GALNT15: variants seen among roughly 807,000 people sequenced by gnomAD.
GALNT15 encodes UDP-GalNAc transferase T15.
Under a neutral mutation model 66.8 loss-of-function variants are expected in GALNT15, and 67 were observed. The observed-to-expected ratio is 1.00, with a 90% CI of 0.82 to 1.23. GALNT15 has a LOEUF of 1.23. Among genes scored for constraint, GALNT15 ranks in the 50% most tolerant of loss-of-function variants. The pLI is 0.00. For synonymous variants in GALNT15, 313 were observed against 311.5 expected, an observed-to-expected ratio of 1.00 and a Z score of -0.05; for missense variants, 827 against 804.3, an observed-to-expected ratio of 1.03 and a Z score of -0.34.
At chr3:16,240,758 A>G in the GALNT15 span, among the ~76,000 whole-genome samples, 6 of 152,194 alleles carry the variant, frequency 3.9e-5, no homozygotes, top group Admixed American at 3.3e-4. Flanking sequence ...GAGCCCGAGT[A>G]ATCAACCTAA....
Position 16,200,695 on chromosome 3 carries a change from G to A in GALNT15, c.783G>A (p.Leu261=). The stretch of plus-strand genomic sequence containing the variant: ...AGTTACTCAGGAGCAACAAGAGGCT[G>A]GGTGCCATCAGGGCCCGGATGCTGG... ...GVKLLRSNKR[L]GAIRARMLGA... Residue 261 remains leucine (L), a synonymous_variant, in exon 3 of 10, where the codon CTG becomes CTA. Transcript: ENST00000339732. This position sits in a 1 kb window ranked among gnomAD's most constrained non-coding sequence, Gnocchi z 4.4. 6.2e-7 allele frequency: 1 copy of A among 1,610,870 alleles called. No individual in the cohort carries two copies. Among genetic ancestry groups the A allele is most frequent in the Non-Finnish European group, 8.5e-7 (1 of 1,178,606 alleles).
At chr3:16,220,057 A>G in intron 8 of GALNT15, 43 bp downstream of exon 8, 3 of 1,469,186 alleles carry the variant, frequency 2.0e-6, no homozygotes, top group Non-Finnish European at 2.9e-6. Flanking sequence ...GCCCAAGAAG[A>G]CTTGAAAGTG....
At chr3:16,246,019 C>A in the GALNT15 span, among the ~76,000 whole-genome samples, 1 of 152,168 alleles carries the variant, frequency 6.6e-6, no homozygotes, top group African/African-American at 2.4e-5. Context: ...TGGGGTATGA[C>A]TGTGAATGAA....
chr3:16,208,717 G>A, intron 4 of GALNT15, 47 bp downstream of exon 4: 1 of 1,567,908 alleles, frequency 6.4e-7, no homozygotes. Flanking sequence ...CCTCAGGATG[G>A]ACTCTGCAGC....
chr3:16,239,531 C>A, the GALNT15 span, among the ~76,000 whole-genome samples: 1 of 152,124 alleles, frequency 6.6e-6, no homozygotes. The surrounding 1 kb of genome is among the most constrained non-coding windows in gnomAD (Gnocchi z 5.2). Flanking sequence ...CCTTCAATGC[C>A]CCAGAAGCAG....
chr3:16,218,549 C>A (rs529985731), intron 6 of GALNT15, among the ~76,000 whole-genome samples: 2 of 151,818 alleles, frequency 1.3e-5, no homozygotes, highest in Non-Finnish European at 1.5e-5. Flanking sequence ...AGGAGAATCT[C>A]AAAAAAAGGA....
At chr3:16,243,139 T>G in the GALNT15 span, among the ~76,000 whole-genome samples, 6 of 152,222 alleles carry the variant, frequency 3.9e-5, no homozygotes, top group African/African-American at 1.4e-4. Context: ...ATTCACTCCC[T>G]GGGATACACT....
In GALNT15 at chr3:16,219,259, C is replaced by G; in HGVS notation, c.1393-144C>G. The stretch of plus-strand genomic sequence containing the variant: ...TCTTCTCCCAACACATGACCCTCCC[C>G]ACTGCAGCCCTGGAGAACTGTGGTC... On this transcript the variant is annotated intron_variant, in intron 6 of 9. Transcript: ENST00000339732. The surrounding 1 kb of genome is among the most constrained non-coding windows in gnomAD (Gnocchi z 4.3). 1 of 933,630 alleles carries G rather than the reference C, an allele frequency of 1.1e-6. No individual in the cohort carries two copies. The highest frequency in any genetic ancestry group is 1.6e-6 in the Non-Finnish European group (1 of 610,120). The allele number at this position is 933,630 out of a possible 1,614,324, so 57.8% of individuals were successfully genotyped here.
Position 16,180,049 on chromosome 3 carries a change from T to G in GALNT15, c.539+4359T>G, listed in dbSNP as rs1362250359. Among the ~76,000 whole-genome samples the G allele has an allele frequency of 6.6e-6, 1 of 152,214 alleles. No individual in the cohort carries two copies. Among genetic ancestry groups the G allele is most frequent in the Non-Finnish European group, 1.5e-5 (1 of 68,040 alleles). On this transcript the variant is annotated intron_variant, in intron 1 of 9. Transcript: ENST00000339732. This position sits in a 1 kb window ranked among gnomAD's most constrained non-coding sequence, Gnocchi z 5.0. The stretch of plus-strand genomic sequence containing the variant: ...TCAAAGAGGCTGCTGTGTGAGCCAG[T>G]GCTTTGTAATCTACATCTACGGCTG...
rs1241151514 is a variant in GALNT15 at position 16,227,065 on chromosome 3, T to G, written c.1774-289T>G. Among the ~76,000 whole-genome samples the G allele has an allele frequency of 6.6e-6, 1 of 152,246 alleles. No individual in the cohort carries two copies. Among genetic ancestry groups the G allele is most frequent in the Non-Finnish European group, 1.5e-5 (1 of 68,038 alleles). ...AATGTCACAAATACAGCATAAAGACTGAACATGCTCTGGGAATTATACTAA... is the reference window on the plus strand; with the variant it reads ...AATGTCACAAATACAGCATAAAGACGGAACATGCTCTGGGAATTATACTAA... On this transcript the variant is annotated intron_variant, in intron 9 of 9. Transcript: ENST00000339732. This position sits in a 1 kb window ranked among gnomAD's most constrained non-coding sequence, Gnocchi z 4.5.
rs966455583 is a variant in GALNT15 at position 16,200,496 on chromosome 3, C to T, written c.707-123C>T. 4.9e-5 allele frequency: 32 copies of T among 652,210 alleles called. No individual in the cohort carries two copies. The highest frequency in any genetic ancestry group is 8.2e-4 in the Middle Eastern group (2 of 2,440). 40.4% of individuals were successfully genotyped at this position (652,210 alleles called of 1,614,324 possible). On this transcript the variant is annotated intron_variant, in intron 2 of 9. Coordinates refer to ENST00000339732, the MANE Select transcript of GALNT15 (RefSeq NM_054110.5). This position sits in a 1 kb window ranked among gnomAD's most constrained non-coding sequence, Gnocchi z 4.4. ...AACAACCACACTGTAGTAATGTTTTCGGTTCTTAGGACCCAGGTGCTCACC... is the reference window on the plus strand; with the variant it reads ...AACAACCACACTGTAGTAATGTTTTTGGTTCTTAGGACCCAGGTGCTCACC...
In GALNT15 at chr3:16,190,507, G is replaced by A. The variant is rs942631754; in HGVS notation, c.540-5253G>A. Among the ~76,000 whole-genome samples, 55 of 152,004 alleles carry A rather than the reference G, an allele frequency of 3.6e-4. 1 individual carries two copies. The highest frequency in any genetic ancestry group is 3.2e-3 in the Middle Eastern group (1 of 316). ...CAAAAAATTAGCCGGGCGTGGTGGC[G>A]GGCGCCTGTAGTCCCAGCTACTCAG... On this transcript the variant is annotated intron_variant, in intron 1 of 9. Transcript: ENST00000339732.
rs1344846134 is a variant in GALNT15, at chr3:16,180,230, A to G, written c.539+4540A>G. 6.6e-6 allele frequency among the ~76,000 whole-genome samples: 1 copy of G among 152,230 alleles called. No individual in the cohort carries two copies. Among genetic ancestry groups the G allele is most frequent in the African/African-American group, 2.4e-5 (1 of 41,452 alleles). The stretch of plus-strand genomic sequence containing the variant: ...CTGCTGCTGCTGCTGCTCCCAATCC[A>G]GAGACACTTTGAGAACCTCTGCTCT... On this transcript the variant is annotated intron_variant, in intron 1 of 9. Coordinates refer to ENST00000339732, the MANE Select transcript of GALNT15 (RefSeq NM_054110.5). The surrounding 1 kb of genome is among the most constrained non-coding windows in gnomAD (Gnocchi z 5.0).
At position 16,188,650 on chromosome 3, in the gene GALNT15, A is replaced by G. The variant is rs746250867; in HGVS notation, c.540-7110A>G. Among the ~76,000 whole-genome samples the G allele has an allele frequency of 6.6e-6, 1 of 152,082 alleles. No individual in the cohort carries two copies. The highest frequency in any genetic ancestry group is 2.4e-5 in the African/African-American group (1 of 41,396). On this transcript the variant is annotated intron_variant, in intron 1 of 9. Transcript: ENST00000339732. The surrounding 1 kb of genome is among the most constrained non-coding windows in gnomAD (Gnocchi z 4.6). ...TGTAGATGCAGTTCAGGACCTTTCA[A>G]AGATCTTTGTTGGCTGGACCTTAGC...
rs974354035 is a variant in GALNT15, at chr3:16,219,231, CCTT to C, written c.1393-166_1393-164del. Among the ~76,000 whole-genome samples the C allele has an allele frequency of 1.4e-4, 21 of 152,284 alleles. No individual in the cohort carries two copies. Among genetic ancestry groups the C allele is most frequent in the African/African-American group, 5.1e-4 (21 of 41,556 alleles). ...TCTGTGCTATTCTATCCCTTCCAGA[CCTT>C]CTTCTCCCAACACATGACCCTCCCC... On this transcript the variant is annotated intron_variant, in intron 6 of 9. Coordinates refer to ENST00000339732, the MANE Select transcript of GALNT15 (RefSeq NM_054110.5). This position sits in a 1 kb window ranked among gnomAD's most constrained non-coding sequence, Gnocchi z 4.3.
intron 8 of GALNT15, chr3:16,220,241 G>A (rs1410575800): frequency 3.7e-6 from 2 of 547,200 alleles, no homozygotes; most frequent in Non-Finnish European, 6.6e-6. Flanking sequence ...AAGCATCTTA[G>A]TTAAAGGGAA....
rs183092706 is a variant in GALNT15 at position 16,190,312 on chromosome 3, C to T, written c.540-5448C>T. 2.9e-3 allele frequency among the ~76,000 whole-genome samples: 447 copies of T among 152,308 alleles called. 3 individuals are homozygous for T. The highest frequency in any genetic ancestry group is 0.01 in the Middle Eastern group (3 of 294). ...GGAGCTAAACAGTCTGCACCATCCT[C>T]AGGCTCCCCCTCCAGCCCACTAGAA... On this transcript the variant is annotated intron_variant, in intron 1 of 9. Transcript: ENST00000339732.
chr3:16,185,432 G>T (rs981374311), intron 1 of GALNT15, among the ~76,000 whole-genome samples: 1 of 152,136 alleles, frequency 6.6e-6, no homozygotes, highest in Non-Finnish European at 1.5e-5. Flanking sequence ...AGTGACAGGG[G>T]GACAACATCC....
At position 16,204,419 on chromosome 3, in the gene GALNT15, A is replaced by G. The variant is rs980054793; in HGVS notation, c.911+3596A>G. 5.3e-5 allele frequency among the ~76,000 whole-genome samples: 8 copies of G among 152,322 alleles called. No individual in the cohort carries two copies. In the East Asian group the frequency reaches 1.5e-3, roughly 29 times the overall value. The stretch of plus-strand genomic sequence containing the variant: ...TGTTCTCTTGGGTTGCACAGTGCGC[A>G]ACTCCTGTAACTGTTCATAGCAACC... On this transcript the variant is annotated intron_variant, in intron 3 of 9. Transcript: ENST00000339732. The surrounding 1 kb of genome is among the most constrained non-coding windows in gnomAD (Gnocchi z 4.5).
Sources: allele counts gnomAD v4.1 joint callset (sites outside exome capture counted in the v4.1 genomes callset), GRCh38; gene constraint gnomAD v4.1.1; non-coding constraint Gnocchi (gnomAD v3.1); transcripts MANE v1.5; gene names NCBI Gene and HGNC (gene_info 2026-07-23, HGNC 2026-07-21).